The following LRRC8D variants were observed in gnomAD, a reference collection of about 807,000 sequenced individuals.
LRRC8D encodes volume-regulated anion channel subunit LRRC8D.
In LRRC8D, 20 loss-of-function variants were observed where a neutral mutation model predicts 55.8. The observed-to-expected ratio is 0.36, with a 90% confidence interval of 0.25 to 0.52. The LOEUF is 0.52. LRRC8D is among the 20% of genes least tolerant of loss of function. LRRC8D has a pLI of 0.93. For missense variants in LRRC8D, 651 were observed against 1,030.8 expected, an observed-to-expected ratio of 0.63 and a Z score of 5.05; for synonymous variants, 352 against 377.0, an observed-to-expected ratio of 0.93 and a Z score of 0.77.
chr1:89,823,122 TGA>T (rs1201438261), intron 1 of LRRC8D, among the ~76,000 whole-genome samples: 1 of 152,204 alleles, frequency 6.6e-6, no homozygotes, highest in South Asian at 2.1e-4. Flanking sequence ...TCGTTTTTAT[TGA>T]GAGTGTATGT....
At chr1:89,896,616 A>C (rs1662719741) in intron 2 of LRRC8D, among the ~76,000 whole-genome samples, 1 of 152,144 alleles carries the variant, frequency 6.6e-6, no homozygotes, top group African/African-American at 2.4e-5. Context: ...CTGGAGGACA[A>C]AGGTAGTGAG....
Position 89,934,541 on chromosome 1 carries a change from C to T in LRRC8D, c.1473C>T (p.Asp491=). 1.2e-6 allele frequency: 2 copies of T among 1,614,160 alleles called. No individual in the cohort carries two copies. Among genetic ancestry groups the T allele is most frequent in the Non-Finnish European group, 1.7e-6 (2 of 1,180,028 alleles). ...GVPDAVFDLT[D]LDVLKLELIP... is the part of the protein sequence containing the mutation. ...CCGATGCTGTCTTTGACCTCACAGA[C>T]CTGGATGTGCTAAAGCTTGAACTAA... is the stretch of plus-strand genomic sequence containing the variant. The change falls in exon 3 of 3, where the codon GAC becomes GAT. Residue 491 remains aspartate (D), a synonymous_variant. Transcript: ENST00000337338. The surrounding 1 kb of genome is among the most constrained non-coding windows in gnomAD (Gnocchi z 5.9).
intron 2 of LRRC8D, among the ~76,000 whole-genome samples, chr1:89,885,798 A>T (rs1372891261): frequency 2.6e-5 from 4 of 152,172 alleles, no homozygotes; most frequent in African/African-American, 9.7e-5. Context: ...CTCTTACAAG[A>T]TCCTCAATTC....
Position 89,935,708 on chromosome 1 carries a change from A to C in LRRC8D, c.*63A>C. 7.1e-7 allele frequency: 1 copy of C among 1,408,350 alleles called. No individual in the cohort carries two copies. The highest frequency in any genetic ancestry group is 9.9e-7 in the Non-Finnish European group (1 of 1,014,570). 87.2% of individuals were successfully genotyped at this position (1,408,350 alleles called of 1,614,324 possible). Reference sequence around the variant, plus strand: ...CTTCCTAGATTGCAAGTGCTCACGTACAAGTTATTACAAGATAATGCATTT... The same window carrying C: ...CTTCCTAGATTGCAAGTGCTCACGTCCAAGTTATTACAAGATAATGCATTT... On this transcript the variant is annotated 3_prime_UTR_variant, in exon 3 of 3. Coordinates refer to ENST00000337338, the MANE Select transcript of LRRC8D (RefSeq NM_001134479.2).
In LRRC8D at chr1:89,843,750, G is replaced by C. The variant is rs1266679217; in HGVS notation, c.-35G>C. The C allele has an allele frequency of 1.4e-6, 1 of 698,954 alleles. No individual in the cohort carries two copies. Among genetic ancestry groups the C allele is most frequent in the East Asian group, 2.7e-5 (1 of 37,114 alleles). 43.3% of individuals were successfully genotyped at this position (698,954 alleles called of 1,614,324 possible). On this transcript the variant is annotated 5_prime_UTR_variant, in exon 2 of 3. Transcript: ENST00000337338. ...CGCCCAAGCCGCGTCCCCAGAGAGCGCCCTGAGAGAACAGGGTGGCCGCTT... is the reference window on the plus strand; with the variant it reads ...CGCCCAAGCCGCGTCCCCAGAGAGCCCCCTGAGAGAACAGGGTGGCCGCTT...
chr1:89,837,637 T>G (rs1661031244), intron 1 of LRRC8D, among the ~76,000 whole-genome samples: 1 of 152,238 alleles, frequency 6.6e-6, no homozygotes, highest in African/African-American at 2.4e-5. Context: ...CTCATAGGGT[T>G]GTTGTCAGGA....
chr1:89,909,671 C>A (rs1442867775), intron 2 of LRRC8D, among the ~76,000 whole-genome samples: 1 of 151,954 alleles, frequency 6.6e-6, no homozygotes, highest in Non-Finnish European at 1.5e-5. Flanking sequence ...TCGAGACCAT[C>A]CTGGCTAACA....
Position 89,933,227 on chromosome 1 carries a change from C to G in LRRC8D, c.159C>G (p.Val53=). Reference sequence around the variant, plus strand: ...TGCAACTTACCAAAGATCAGGTGGTCTGTTTGCCAGTATTGCCATCTCCTG... The same window carrying G: ...TGCAACTTACCAAAGATCAGGTGGTGTGTTTGCCAGTATTGCCATCTCCTG... The part of the protein sequence containing the change: ...GTMQLTKDQV[V]CLPVLPSPVN... Residue 53 remains valine, a synonymous_variant, in exon 3 of 3, where the codon GTC becomes GTG. Transcript: ENST00000337338. The surrounding 1 kb of genome is among the most constrained non-coding windows in gnomAD (Gnocchi z 7.0). The G allele has an allele frequency of 6.2e-7, 1 of 1,614,152 alleles. No individual in the cohort carries two copies. The highest frequency in any genetic ancestry group is 8.5e-7 in the Non-Finnish European group (1 of 1,180,026).
intron 2 of LRRC8D, among the ~76,000 whole-genome samples, chr1:89,854,424 A>T (rs1661499817): frequency 6.6e-6 from 1 of 152,056 alleles, no homozygotes; most frequent in Non-Finnish European, 1.5e-5. Flanking sequence ...TATGAATAGC[A>T]TGAATGACCT....
chr1:89,847,745 TA>T (rs1296162282), intron 2 of LRRC8D, among the ~76,000 whole-genome samples: 2 of 152,208 alleles, frequency 1.3e-5, no homozygotes, highest in African/African-American at 2.4e-5. Flanking sequence ...TATTTAATAT[TA>T]AAAGATTTCA....
At chr1:89,861,291 C>G (rs1661715793) in intron 2 of LRRC8D, among the ~76,000 whole-genome samples, 1 of 152,142 alleles carries the variant, frequency 6.6e-6, no homozygotes, top group Non-Finnish European at 1.5e-5. Context: ...CTCAGTTTCC[C>G]CCTCTTTAAA....
At chr1:89,834,436 C>T (rs561689860) in intron 1 of LRRC8D, among the ~76,000 whole-genome samples, 125 of 152,290 alleles carry the variant, frequency 8.2e-4, no homozygotes, top group African/African-American at 2.8e-3. Flanking sequence ...TGTTCCATTT[C>T]AAAGATTACA....
intron 2 of LRRC8D, among the ~76,000 whole-genome samples, chr1:89,915,387 C>G (rs180804650): frequency 6.6e-6 from 1 of 152,124 alleles, no homozygotes; most frequent in Non-Finnish European, 1.5e-5. Context: ...GCAACTGTTT[C>G]TTGGGTATAA....
chr1:89,923,548 C>T (rs891257291), intron 2 of LRRC8D, among the ~76,000 whole-genome samples: 2 of 152,154 alleles, frequency 1.3e-5, no homozygotes, highest in African/African-American at 4.8e-5. Context: ...TATCAAACTA[C>T]CAGTGTCATT....
chr1:89,895,361 A>C (rs1487534463), intron 2 of LRRC8D, among the ~76,000 whole-genome samples: 1 of 152,208 alleles, frequency 6.6e-6, no homozygotes, highest in Non-Finnish European at 1.5e-5. Flanking sequence ...AGCTATCATA[A>C]ACAAGCAAAT....
rs1457519757 is a variant in LRRC8D at position 89,892,681 on chromosome 1, G to A, written c.-2-40386G>A. ...CTATAGGCGCCCGCCAACACGCCCA[G>A]CTAATTTTTTTGTATTTTTTAGTAG... On this transcript the variant is annotated intron_variant, in intron 2 of 2. Coordinates refer to ENST00000337338, the MANE Select transcript of LRRC8D (RefSeq NM_001134479.2). 2.0e-5 allele frequency among the ~76,000 whole-genome samples: 3 copies of A among 152,250 alleles called. No individual in the cohort carries two copies. The East Asian group carries it at 5.8e-4, about 29-fold the overall frequency.
chr1:89,821,368 G>C (rs1014907433), intron 1 of LRRC8D, 77 bp downstream of exon 1: 2 of 152,140 alleles, frequency 1.3e-5, no homozygotes, highest in African/African-American at 4.8e-5. Flanking sequence ...CGCCGAGCCG[G>C]AGCGCGCAAC....
At chr1:89,887,834 C>A (rs1321691877) in intron 2 of LRRC8D, among the ~76,000 whole-genome samples, 1 of 152,140 alleles carries the variant, frequency 6.6e-6, no homozygotes, top group Non-Finnish European at 1.5e-5. Context: ...TTCTTATTTT[C>A]TTTATAATGT....
At chr1:89,910,699 C>G (rs568056936) in intron 2 of LRRC8D, among the ~76,000 whole-genome samples, 1 of 151,056 alleles carries the variant, frequency 6.6e-6, no homozygotes, top group African/African-American at 2.4e-5. Context: ...TCGAATTACT[C>G]AAACTTTCAA....
Sources: gnomAD v4.1 joint callset for allele counts (sites outside exome capture counted in the v4.1 genomes callset) on GRCh38, gnomAD v4.1.1 for gene constraint, Gnocchi (gnomAD v3.1) non-coding constraint, MANE v1.5 for transcripts, NCBI Gene and HGNC (gene_info 2026-07-23, HGNC 2026-07-21) for gene names.